The following INPP5F variants were observed in gnomAD, a reference collection of about 807,000 sequenced individuals.
INPP5F encodes phosphatidylinositide 4-phosphatase SAC2.
A neutral mutation model predicts 137.2 loss-of-function variants in INPP5F; 97 were observed. The ratio of observed to expected loss-of-function variants is 0.71; its 90% CI spans 0.60 to 0.84. The LOEUF (loss-of-function observed/expected upper bound fraction) is 0.84. INPP5F is among the 40% of genes least tolerant of loss of function. The pLI, the probability that INPP5F is intolerant of heterozygous loss-of-function variation, is 0.00. For synonymous variants in INPP5F, 504 were observed against 476.9 expected (o/e 1.06, Z -0.74); for missense variants, 1,271 against 1,371.9 (o/e 0.93, Z 1.16).
chr10:119,789,534 T>G (rs1469762524), intron 3 of INPP5F, among the ~76,000 whole-genome samples: 1 of 151,644 alleles, frequency 6.6e-6, no homozygotes, highest in Non-Finnish European at 1.5e-5. Flanking sequence ...GGAGTGATGG[T>G]CGTGAAAGCT....
At chr10:119,781,814 T>C in intron 3 of INPP5F, 43 bp downstream of exon 3, 3 of 1,491,404 alleles carry the variant, frequency 2.0e-6, no homozygotes, top group South Asian at 1.3e-5. Flanking sequence ...CTGATATAAA[T>C]GTAATAGCAA....
At chr10:119,798,511 G>A (rs763994863) in intron 8 of INPP5F, 32 bp from the exon 9 acceptor site, 2 of 1,542,836 alleles carry the variant, frequency 1.3e-6, no homozygotes, top group South Asian at 1.2e-5. Context: ...AACATGGGAA[G>A]GAAAAAAAGA....
intron 7 of INPP5F, 79 bp from the exon 8 acceptor site, chr10:119,797,382 T>G (rs1362346516): frequency 1.8e-6 from 2 of 1,134,404 alleles, no homozygotes; most frequent in African/African-American, 3.1e-5. Context: ...AAGACATACA[T>G]TTGATTAGGA....
chr10:119,732,500 C>CTTTTTTTTTTTTTTTTTTTTT (rs59388357), intron 1 of INPP5F, among the ~76,000 whole-genome samples: 1 of 115,566 alleles, frequency 8.7e-6, no homozygotes, highest in African/African-American at 3.4e-5. Flanking sequence ...TTTCTTTTTT[C>CTTTTTTTTTTTTTTTTTTTTT]TTTTTTTTTT....
intron 1 of INPP5F, among the ~76,000 whole-genome samples, chr10:119,744,987 GT>G (rs1264783464): frequency 1.5e-5 from 1 of 68,900 alleles, no homozygotes; most frequent in African/African-American, 5.8e-5. Context: ...CATTTTTATA[GT>G]TTTTTTTCTT....
Position 119,823,056 on chromosome 10 carries a change from C to CA in INPP5F, c.2033-14dup. Reference sequence around the variant, plus strand: ...TGAAACATTTAACTTTATACGTATTCATTTGGGATTTTAGGCCCTGAACCC... The same window carrying CA: ...TGAAACATTTAACTTTATACGTATTCAATTTGGGATTTTAGGCCCTGAACCC... On this transcript the variant is annotated splice_polypyrimidine_tract_variant and intron_variant, in intron 17 of 19. Transcript: ENST00000650623. 1 of 1,603,118 alleles carries CA rather than the reference C, an allele frequency of 6.2e-7. No homozygotes were observed. Among genetic ancestry groups the CA allele is most frequent in the Non-Finnish European group, 8.5e-7 (1 of 1,176,008 alleles).
chr10:119,774,490 G>A (rs1054948066), intron 2 of INPP5F, among the ~76,000 whole-genome samples: 4 of 149,370 alleles, frequency 2.7e-5, no homozygotes, highest in East Asian at 1.9e-4. Flanking sequence ...TTGTTTGTTC[G>A]TTTTGTTTTT....
chr10:119,762,475 A>G (rs951400447), intron 2 of INPP5F, among the ~76,000 whole-genome samples: 1 of 152,182 alleles, frequency 6.6e-6, no homozygotes. Flanking sequence ...CCACCTCCCA[A>G]TACCATAATA....
chr10:119,763,473 A>G (rs1202189984), intron 2 of INPP5F, among the ~76,000 whole-genome samples: 1 of 152,246 alleles, frequency 6.6e-6, no homozygotes, highest in Admixed American at 6.5e-5. Context: ...CTTGAAGAAT[A>G]GTGCACATTC....
intron 16 of INPP5F, 34 bp from the exon 17 acceptor site, chr10:119,822,397 A>G (rs780651772): frequency 1.2e-5 from 14 of 1,195,232 alleles, no homozygotes; most frequent in African/African-American, 1.5e-5. Flanking sequence ...CTTTTGATTT[A>G]AATCCTCTTT....
In INPP5F at chr10:119,796,864, C is replaced by T. The variant is rs1201088676; in HGVS notation, c.819C>T (p.His273=). ...PQESTCVDDI[H]PRFLVALISR... ...AGTCCACCTGTGTAGATGATATTCACCCACGATTTCTAGTGGCTCTCATTT... is the reference window on the plus strand; with the variant it reads ...AGTCCACCTGTGTAGATGATATTCATCCACGATTTCTAGTGGCTCTCATTT... The change falls in exon 7 of 20, where the codon CAC becomes CAT. Residue 273 remains histidine (H), a synonymous_variant. Transcript: ENST00000650623. 2.5e-6 allele frequency: 4 copies of T among 1,613,792 alleles called. No individual in the cohort carries two copies. The African/African-American group carries it at 5.3e-5, about 22-fold the overall frequency.
Position 119,827,908 on chromosome 10 carries a change from C to CG in INPP5F, c.*130dup. On this transcript the variant is annotated 3_prime_UTR_variant, in exon 20 of 20. Transcript: ENST00000650623. ...TCTGTTCATTGGAAAGGGTTTTAAA[C>CG]GGAGTCGGAACCTGAGTAGATTTCC... 1.3e-6 allele frequency: 1 copy of CG among 754,252 alleles called. No homozygotes were observed. The highest frequency in any genetic ancestry group is 2.1e-6 in the Non-Finnish European group (1 of 474,622). The allele number at this position is 754,252 out of a possible 1,614,324, so 46.7% of individuals were successfully genotyped here. A position where few individuals can be genotyped will look rare whatever the true frequency, so the allele number is the denominator to read the frequency against.
At chr10:119,784,759 G>A (rs560923682) in intron 3 of INPP5F, among the ~76,000 whole-genome samples, 1 of 152,274 alleles carries the variant, frequency 6.6e-6, no homozygotes, top group East Asian at 1.9e-4. Flanking sequence ...ATGGTTTTTA[G>A]TGTATTCAGA....
intron 2 of INPP5F, among the ~76,000 whole-genome samples, chr10:119,757,368 G>A (rs189441565): frequency 1.8e-3 from 279 of 151,372 alleles, no homozygotes; most frequent in Non-Finnish European, 3.2e-3. Context: ...ATGCCCGACC[G>A]AGATTTATTA....
At chr10:119,798,881 T>C (rs1850487213) in intron 9 of INPP5F, among the ~76,000 whole-genome samples, 1 of 146,184 alleles carries the variant, frequency 6.8e-6, no homozygotes, top group African/African-American at 2.5e-5. Flanking sequence ...TCTTCTCTCC[T>C]CAGCCTCCCG....
intron 15 of INPP5F, among the ~76,000 whole-genome samples, chr10:119,820,339 A>G (rs1026441469): frequency 1.3e-5 from 2 of 152,242 alleles, no homozygotes; most frequent in Non-Finnish European, 2.9e-5. Flanking sequence ...ATGCAAAAGT[A>G]GCTTGGACTT....
At chr10:119,808,863 G>A (rs1276306075) in intron 13 of INPP5F, among the ~76,000 whole-genome samples, 1 of 152,170 alleles carries the variant, frequency 6.6e-6, no homozygotes, top group African/African-American at 2.4e-5. Flanking sequence ...ACAAGCATCA[G>A]TCCTTCTTTT....
At chr10:119,795,297 C>T (rs1378751610) in intron 6 of INPP5F, among the ~76,000 whole-genome samples, 8 of 151,842 alleles carry the variant, frequency 5.3e-5, no homozygotes, top group African/African-American at 1.2e-4. Flanking sequence ...GGCTGCCAGG[C>T]GGAGACGCTC....
chr10:119,726,498 G>A (rs1847894618), intron 1 of INPP5F, 139 bp downstream of exon 1: 1 of 343,718 alleles, frequency 2.9e-6, no homozygotes, highest in Non-Finnish European at 4.8e-6. Context: ...GAGCGCGCGA[G>A]CTGTCATTAT....
Sources: allele counts gnomAD v4.1 joint callset (sites outside exome capture counted in the v4.1 genomes callset), GRCh38; gene constraint gnomAD v4.1.1; transcripts MANE v1.5; gene names NCBI Gene and HGNC (gene_info 2026-07-23, HGNC 2026-07-21).